The following NFIL3 variants were observed in gnomAD, a reference collection of about 807,000 sequenced individuals.
NFIL3 encodes nuclear factor interleukin-3-regulated protein.
A neutral mutation model predicts 10.0 loss-of-function variants in NFIL3; 5 were observed. The ratio of observed to expected loss-of-function variants is 0.50; its 90% confidence interval spans 0.26 to 1.06. The LOEUF (loss-of-function observed/expected upper bound fraction) is 1.06, where lower values mean the gene tolerates loss of function less well. Ranked by LOEUF, NFIL3 falls within the 50% of genes least tolerant of loss-of-function variation. The pLI, the probability that NFIL3 is intolerant of heterozygous loss-of-function variation, is 0.13. For synonymous variants in NFIL3, 202 were observed against 206.5 expected (o/e 0.98, Z 0.19); for missense variants, 436 against 547.6 (o/e 0.80, Z 2.03).
chr9:91,435,094 G>A, the NFIL3 span, among the ~76,000 whole-genome samples: 1 of 152,156 alleles, frequency 6.6e-6, no homozygotes, highest in African/African-American at 2.4e-5. Context: ...TAACTGAATT[G>A]TGTGTTTTCT....
chr9:91,438,166 A>G, the NFIL3 span, among the ~76,000 whole-genome samples: 418 of 152,176 alleles, frequency 2.7e-3, 2 homozygotes, highest in African/African-American at 9.8e-3. Context: ...ATACTTCCTA[A>G]CATTCGTTAT....
chr9:91,438,567 G>GA, the NFIL3 span, among the ~76,000 whole-genome samples: 1 of 151,992 alleles, frequency 6.6e-6, no homozygotes, highest in African/African-American at 2.4e-5. Flanking sequence ...GTAATTAGGG[G>GA]AAAAAAATCA....
intron 1 of NFIL3, among the ~76,000 whole-genome samples, chr9:91,415,937 T>C (rs1833646074): frequency 6.6e-6 from 1 of 152,234 alleles, no homozygotes; most frequent in East Asian, 1.9e-4. Flanking sequence ...CCTTAACTTC[T>C]CTTAGATGCT....
At chr9:91,431,174 G>A in the NFIL3 span, among the ~76,000 whole-genome samples, 2,127 of 152,270 alleles carry the variant, frequency 0.014, 50 homozygotes, top group East Asian at 0.078. Flanking sequence ...CGTTATTCAG[G>A]CAGTACGTTA....
chr9:91,422,625 T>C (rs1355277163), intron 1 of NFIL3, among the ~76,000 whole-genome samples: 1 of 152,202 alleles, frequency 6.6e-6, no homozygotes, highest in Non-Finnish European at 1.5e-5. Flanking sequence ...GAAACTATTA[T>C]GTGATTTGTC....
chr9:91,447,804 A>G, the NFIL3 span, among the ~76,000 whole-genome samples: 1 of 152,136 alleles, frequency 6.6e-6, no homozygotes, highest in Non-Finnish European at 1.5e-5. Flanking sequence ...CTCTGTTGAC[A>G]GTGTTCTTTG....
the NFIL3 span, among the ~76,000 whole-genome samples, chr9:91,440,059 C>T: frequency 6.6e-6 from 1 of 152,064 alleles, no homozygotes; most frequent in Non-Finnish European, 1.5e-5. Context: ...TCCTGTAGCC[C>T]TATTTTTTGG....
chr9:91,443,288 A>G, the NFIL3 span, among the ~76,000 whole-genome samples: 4 of 152,236 alleles, frequency 2.6e-5, no homozygotes, highest in African/African-American at 9.6e-5. Context: ...TCCAGTCCAC[A>G]GACTCTACCT....
chr9:91,454,632 G>A, the NFIL3 span, among the ~76,000 whole-genome samples: 4 of 152,122 alleles, frequency 2.6e-5, no homozygotes, highest in African/African-American at 7.2e-5. Context: ...AGGAGTTTGA[G>A]CCCAGCCTGG....
intron 1 of NFIL3, among the ~76,000 whole-genome samples, chr9:91,413,098 C>T (rs1009081181): frequency 3.3e-5 from 5 of 152,040 alleles, no homozygotes; most frequent in African/African-American, 1.2e-4. Context: ...AACAGCTAGT[C>T]GTAACTCAGA....
At chr9:91,456,662 T>G in the NFIL3 span, among the ~76,000 whole-genome samples, 1 of 152,248 alleles carries the variant, frequency 6.6e-6, no homozygotes, top group African/African-American at 2.4e-5. Context: ...TTCATTTTCT[T>G]GGCAATGCTT....
chr9:91,468,503 T>C, the NFIL3 span, among the ~76,000 whole-genome samples: 1 of 152,196 alleles, frequency 6.6e-6, no homozygotes, highest in African/African-American at 2.4e-5. Flanking sequence ...TTCACTCTGA[T>C]GGTAGTTTCT....
the NFIL3 span, among the ~76,000 whole-genome samples, chr9:91,438,431 T>C: frequency 0.015 from 2,330 of 152,022 alleles, 51 homozygotes; most frequent in South Asian, 0.079. Flanking sequence ...ATACAGGGTA[T>C]ACAATTTTTT....
chr9:91,481,018 C>A, the NFIL3 span, among the ~76,000 whole-genome samples: 3 of 152,180 alleles, frequency 2.0e-5, no homozygotes, highest in Non-Finnish European at 4.4e-5. Flanking sequence ...TACTTCCTGA[C>A]ATCCACATTT....
the NFIL3 span, among the ~76,000 whole-genome samples, chr9:91,467,060 T>C: frequency 6.6e-6 from 1 of 152,322 alleles, no homozygotes; most frequent in East Asian, 1.9e-4. Flanking sequence ...CAACAACTGT[T>C]ACCTTAGTCT....
At chr9:91,481,767 C>T in the NFIL3 span, among the ~76,000 whole-genome samples, 2 of 151,762 alleles carry the variant, frequency 1.3e-5, no homozygotes, top group Admixed American at 6.6e-5. Flanking sequence ...ATATATGTGA[C>T]AAATAAAGAG....
At position 91,409,605 on chromosome 9, in the gene NFIL3, G is replaced by A. The variant is rs1833500109; in HGVS notation, c.1130C>T (p.Ser377Phe). 6.2e-7 allele frequency: 1 copy of A among 1,614,226 alleles called. No individual in the cohort carries two copies. Among genetic ancestry groups the A allele is most frequent in the Non-Finnish European group, 8.5e-7 (1 of 1,180,036 alleles). Residue 377 changes from serine (S) to phenylalanine (F), a missense_variant, in exon 2 of 2, where the codon TCT becomes TTT. By Grantham distance (155) the Ser-to-Phe change is radical. Transcript: ENST00000297689. ...KHSAPSMVHS[S>F]LTPFSVQVTN... ...CACTTGCACTGAGAAAGGAGTAAGA[G>A]AAGAATGTACCATACTTGGGGCACT... is the stretch of plus-strand genomic sequence containing the variant.
chr9:91,449,350 G>A, the NFIL3 span, among the ~76,000 whole-genome samples: 2 of 152,130 alleles, frequency 1.3e-5, no homozygotes, highest in African/African-American at 4.8e-5. Flanking sequence ...TTTCGTAAAT[G>A]CTCTTTAGCA....
At chr9:91,424,555 T>A (rs1833846430), upstream of NFIL3, among the ~76,000 whole-genome samples, 1 of 151,776 alleles carries the variant, frequency 6.6e-6, no homozygotes. Flanking sequence ...TCCCGGCGCC[T>A]CTCCCGAGAG....
Sources: gnomAD v4.1 joint callset for allele counts (sites outside exome capture counted in the v4.1 genomes callset) on GRCh38, gnomAD v4.1.1 for gene constraint, MANE v1.5 for transcripts, NCBI Gene and HGNC (gene_info 2026-07-23, HGNC 2026-07-21) for gene names.